Variants in C11orf58 observed in about 807,000 individuals in gnomAD.
C11orf58 encodes chromosome 11 open reading frame 58.
C11orf58 carries 5 observed loss-of-function variants against 22.7 expected under a neutral mutation model. That is an observed-to-expected ratio of 0.22 (90% CI 0.12 to 0.46). C11orf58 has a LOEUF of 0.46. C11orf58 is among the 20% of genes least tolerant of loss of function. C11orf58 has a pLI of 0.99. For missense variants in C11orf58, 151 were observed against 223.3 expected, an observed-to-expected ratio of 0.68 and a Z score of 2.06; for synonymous variants, 71 against 70.7, an observed-to-expected ratio of 1.00 and a Z score of -0.02.
intron 1 of C11orf58, among the ~76,000 whole-genome samples, chr11:16,743,623 G>A (rs983241219): frequency 2.0e-5 from 3 of 152,128 alleles, no homozygotes; most frequent in African/African-American, 7.2e-5. Context: ...ATGAAAAATT[G>A]TGAATTCCCA....
At chr11:16,738,976 G>A (rs760005944) in intron 1 of C11orf58, 135 bp downstream of exon 1, 3 of 926,204 alleles carry the variant, frequency 3.2e-6, no homozygotes, top group Non-Finnish European at 5.1e-6. Context: ...AGAAGAATGA[G>A]TGGGAAATGC....
Position 16,755,109 on chromosome 11 carries a change from C to T in C11orf58, c.*5C>T, listed in dbSNP as rs1171901974. 2 of 1,613,114 alleles carry T rather than the reference C, an allele frequency of 1.2e-6. No homozygotes were observed. The highest frequency in any genetic ancestry group is 2.7e-5 in the African/African-American group (2 of 74,808). ...GTTAAATCCAGTGGTTCATAACTCC[C>T]AAACGCTTAGTCTTTGTATTAAAAG... On this transcript the variant is annotated 3_prime_UTR_variant, in exon 5 of 5. Coordinates refer to ENST00000228136, the MANE Select transcript of C11orf58 (RefSeq NM_014267.6).
chr11:16,741,473 A>G (rs187852262), intron 1 of C11orf58, among the ~76,000 whole-genome samples: 248 of 152,340 alleles, frequency 1.6e-3, no homozygotes, highest in Middle Eastern at 3.4e-3. Context: ...GTAACTGCTA[A>G]GGAACTCTCT....
At chr11:16,744,924 A>G (rs954765819) in intron 2 of C11orf58, among the ~76,000 whole-genome samples, 2 of 152,204 alleles carry the variant, frequency 1.3e-5, no homozygotes, top group African/African-American at 2.4e-5. Flanking sequence ...ATTTGGTTCA[A>G]GGAGGCTGTA....
chr11:16,748,254 G>A, intron 3 of C11orf58, 97 bp downstream of exon 3: 1 of 1,058,050 alleles, frequency 9.5e-7, no homozygotes, highest in South Asian at 1.3e-5. Flanking sequence ...ATGTAATTGT[G>A]TAAATTATTA....
intron 3 of C11orf58, chr11:16,752,084 C>T (rs1214521187): frequency 1.3e-5 from 2 of 155,160 alleles, no homozygotes; most frequent in African/African-American, 4.8e-5. Context: ...AAGCAACACA[C>T]TTAGGGTGTC....
Position 16,758,107 on chromosome 11 carries a change from C to G in C11orf58, c.*3003C>G, listed in dbSNP as rs917157437. 6.6e-6 allele frequency among the ~76,000 whole-genome samples: 1 copy of G among 152,188 alleles called. No homozygotes were observed. Among genetic ancestry groups the G allele is most frequent in the Non-Finnish European group, 1.5e-5 (1 of 68,034 alleles). ...CTCAATAAAAGTATTCACTTCTAAC[C>G]AACTCCTCCTCCTTTATACCTGCTC... is the stretch of plus-strand genomic sequence containing the variant. On this transcript the variant is annotated 3_prime_UTR_variant, in exon 5 of 5. Transcript: ENST00000228136.
At chr11:16,752,725 G>A in intron 3 of C11orf58, 60 bp from the exon 4 acceptor site, 2 of 1,189,240 alleles carry the variant, frequency 1.7e-6, no homozygotes, top group South Asian at 2.7e-5. Context: ...TCTGTATTAT[G>A]GGTTTTTGTG....
At chr11:16,740,161 C>T (rs199796375) in intron 1 of C11orf58, among the ~76,000 whole-genome samples, 1 of 152,176 alleles carries the variant, frequency 6.6e-6, no homozygotes, top group Non-Finnish European at 1.5e-5. Context: ...CTGGCTGCCA[C>T]TTAAAAAGCT....
chr11:16,739,555 T>C (rs568721867), intron 1 of C11orf58: 1 of 152,364 alleles, frequency 6.6e-6, no homozygotes, highest in South Asian at 2.1e-4. Context: ...GTTAAATATT[T>C]ACTGCACTGC....
At chr11:16,754,455 C>T (rs1215936612) in intron 4 of C11orf58, among the ~76,000 whole-genome samples, 9 of 149,964 alleles carry the variant, frequency 6.0e-5, no homozygotes, top group African/African-American at 9.8e-5. Flanking sequence ...CTCAGCCTCC[C>T]GAGTAGCTAG....
chr11:16,742,733 G>C (rs1848457865), intron 1 of C11orf58, among the ~76,000 whole-genome samples: 1 of 152,102 alleles, frequency 6.6e-6, no homozygotes, highest in South Asian at 2.1e-4. Flanking sequence ...ATGGGAGATA[G>C]TGCAAAACAA....
chr11:16,753,933 C>T, intron 4 of C11orf58: 1 of 564,940 alleles, frequency 1.8e-6, no homozygotes, highest in East Asian at 3.2e-5. Context: ...CTCCTGGGTT[C>T]AAGCGATCTT....
chr11:16,754,517 T>TTC (rs1379556056), intron 4 of C11orf58, among the ~76,000 whole-genome samples: 4 of 149,180 alleles, frequency 2.7e-5, no homozygotes, highest in Non-Finnish European at 6.0e-5. Context: ...TTTTTCTTTT[T>TTC]TTTTTTTTAG....
At chr11:16,753,269 A>G (rs1032997499) in intron 4 of C11orf58, among the ~76,000 whole-genome samples, 2 of 151,806 alleles carry the variant, frequency 1.3e-5, no homozygotes, top group African/African-American at 2.4e-5. Flanking sequence ...GGGTTTCACC[A>G]TGTAACCAGG....
At chr11:16,740,456 T>C (rs1332446034) in intron 1 of C11orf58, among the ~76,000 whole-genome samples, 1 of 151,902 alleles carries the variant, frequency 6.6e-6, no homozygotes, top group Non-Finnish European at 1.5e-5. Flanking sequence ...TGGAGTGCAG[T>C]GGCACGATCG....
intron 3 of C11orf58, chr11:16,751,662 A>G (rs947185871): frequency 2.0e-5 from 3 of 152,208 alleles, no homozygotes; most frequent in African/African-American, 7.2e-5. Context: ...ACATGTTTCA[A>G]ACATTAGCAG....
chr11:16,743,541 C>T (rs946337496), intron 1 of C11orf58, among the ~76,000 whole-genome samples: 1 of 152,108 alleles, frequency 6.6e-6, no homozygotes, highest in Non-Finnish European at 1.5e-5. Context: ...TTTCATTTTG[C>T]ATTCACCTTC....
At chr11:16,748,423 C>A (rs1848504714) in intron 3 of C11orf58, 1 of 218,232 alleles carries the variant, frequency 4.6e-6, no homozygotes, top group South Asian at 1.1e-4. Flanking sequence ...AGCAAGACCT[C>A]ATCTCTTAAA....
Sources: allele counts gnomAD v4.1 joint callset (sites outside exome capture counted in the v4.1 genomes callset), GRCh38; gene constraint gnomAD v4.1.1; transcripts MANE v1.5; gene names NCBI Gene and HGNC (gene_info 2026-07-23, HGNC 2026-07-21).